The following UNC79 variants were observed in gnomAD, a reference collection of about 807,000 sequenced individuals.
UNC79 encodes the protein protein unc-79 homolog.
UNC79 carries 37 observed loss-of-function variants against 283.1 expected under a neutral mutation model. That is an observed-to-expected ratio of 0.13 (90% CI 0.10 to 0.17). The LOEUF is 0.17. UNC79 is among the 10% of genes least tolerant of loss of function. The pLI is 1.00. For missense variants in UNC79, 2,272 were observed against 3,211.1 expected (o/e 0.71, Z 7.07); for synonymous variants, 1,107 against 1,200.2 (o/e 0.92, Z 1.61).
chr14:93,537,437 T>C (rs1400894365), intron 11 of UNC79, among the ~76,000 whole-genome samples: 1 of 152,256 alleles, frequency 6.6e-6, no homozygotes, highest in Non-Finnish European at 1.5e-5. Flanking sequence ...GCCATCACTT[T>C]GGCACAGCAC....
rs73345858 is a variant in UNC79 at position 93,508,995 on chromosome 14, G to A, written c.898+11709G>A. The stretch of plus-strand genomic sequence containing the variant: ...ACTTGTTAATTTATAAAGAAAAGAG[G>A]CTTAATTGGCTCATGGTTCTGTGGG... On this transcript the variant is annotated intron_variant, in intron 7 of 48. Coordinates refer to ENST00000555664, the Ensembl canonical transcript of UNC79. Among the ~76,000 whole-genome samples, 1,294 of 152,258 alleles carry A rather than the reference G, an allele frequency of 8.5e-3. 20 individuals are homozygous for A. The highest frequency in any genetic ancestry group is 0.03 in the African/African-American group (1,230 of 41,524).
intron 1 of UNC79, among the ~76,000 whole-genome samples, chr14:93,367,018 A>G (rs1351995238): frequency 1.3e-5 from 2 of 152,122 alleles, no homozygotes; most frequent in African/African-American, 2.4e-5. Flanking sequence ...TTTCACAGAC[A>G]TCTATTTTTT....
In UNC79 at chr14:93,604,990, G is replaced by A. The variant is rs769312041; in HGVS notation, c.3754+1572G>A. ...GGTACTTCTGACATTGAAGGGCCAT[G>A]TACAAGTGTCTATCACAGGTGGACA... On this transcript the variant is annotated intron_variant, in intron 26 of 48. Transcript: ENST00000555664. 11 of 1,559,214 alleles carry A rather than the reference G, an allele frequency of 7.1e-6. No individual in the cohort carries two copies. The South Asian group carries it at 1.3e-4, about 18-fold the overall frequency.
At chr14:93,407,489 G>T (rs191009995) in intron 1 of UNC79, among the ~76,000 whole-genome samples, 2 of 152,164 alleles carry the variant, frequency 1.3e-5, no homozygotes, top group African/African-American at 4.8e-5. Flanking sequence ...GCCCCACCAG[G>T]TTCTCATGAT....
At chr14:93,557,056 A>C (rs945376812) in intron 14 of UNC79, among the ~76,000 whole-genome samples, 3 of 152,106 alleles carry the variant, frequency 2.0e-5, no homozygotes, top group Non-Finnish European at 2.9e-5. Flanking sequence ...ATTGAAAGCT[A>C]CTCCATTACA....
rs949536297 is a variant in UNC79, at chr14:93,582,069, G to T, written c.2662-134G>T. On this transcript the variant is annotated intron_variant, in intron 19 of 48. Transcript: ENST00000555664. ...GCTCCAGGGTCTTCTGGGGTGTGGT[G>T]CCTTGGCCTCTGGCCTCAGCAGCAT... The T allele has an allele frequency of 8.3e-6, 11 of 1,322,032 alleles. No individual in the cohort carries two copies. In the African/African-American group the frequency reaches 1.5e-4, roughly 18 times the overall value. The allele number at this position is 1,322,032 out of a possible 1,614,324, so 81.9% of individuals were successfully genotyped here.
In UNC79 at chr14:93,694,294, A is replaced by G. The variant is rs571767005; in HGVS notation, c.7471-41A>G. On this transcript the variant is annotated intron_variant, in intron 46 of 48. Transcript: ENST00000555664. ...GCAAACTAGTTTGCAAGGTTTCTAT[A>G]TCACTGGAAATGGAATTAACTTTCA... 10 of 1,589,486 alleles carry G rather than the reference A, an allele frequency of 6.3e-6. No individual in the cohort carries two copies. The South Asian group carries it at 1.0e-4, about 16-fold the overall frequency.
intron 1 of UNC79, among the ~76,000 whole-genome samples, chr14:93,434,148 G>A (rs1423515199): frequency 6.6e-6 from 1 of 151,880 alleles, no homozygotes; most frequent in African/African-American, 2.4e-5. Context: ...GGGAGGCGGA[G>A]ATTGCTATGA....
At chr14:93,537,936 C>T in intron 11 of UNC79, 53 bp from the exon 12 acceptor site, 6 of 1,540,070 alleles carry the variant, frequency 3.9e-6, no homozygotes, top group Non-Finnish European at 5.3e-6. Context: ...TGATTCTTAG[C>T]CAAGTTTACC....
chr14:93,455,089 G>C (rs554551715), intron 1 of UNC79, among the ~76,000 whole-genome samples: 1 of 152,286 alleles, frequency 6.6e-6, no homozygotes, highest in East Asian at 1.9e-4. Flanking sequence ...ACTGGCTGAA[G>C]ACTATGTATG....
chr14:93,420,093 G>A (rs1309181164), intron 1 of UNC79, among the ~76,000 whole-genome samples: 3 of 150,742 alleles, frequency 2.0e-5, no homozygotes, highest in East Asian at 2.0e-4. Context: ...CAAAATGGTA[G>A]GAGTAAGTCC....
intron 31 of UNC79, 128 bp downstream of exon 34, chr14:93,634,765 A>G: frequency 1.2e-6 from 1 of 856,954 alleles, no homozygotes. Context: ...AATTTTTCAA[A>G]ACCACCTAAG....
At chr14:93,592,391 G>T (rs1461120298) in intron 22 of UNC79, among the ~76,000 whole-genome samples, 2 of 151,836 alleles carry the variant, frequency 1.3e-5, no homozygotes, top group African/African-American at 4.8e-5. Context: ...AGCCAGGATG[G>T]TCTCGATCTC....
chr14:93,371,485 C>T (rs2054445012), intron 1 of UNC79, among the ~76,000 whole-genome samples: 1 of 151,926 alleles, frequency 6.6e-6, no homozygotes, highest in African/African-American at 2.4e-5. Context: ...AATGAAAACG[C>T]AGAAAAAAAT....
chr14:93,481,901 T>C (rs1046993524), intron 4 of UNC79, among the ~76,000 whole-genome samples: 1 of 152,196 alleles, frequency 6.6e-6, no homozygotes, highest in African/African-American at 2.4e-5. Context: ...TGTTTTGAAA[T>C]AGAAATCCAG....
chr14:93,577,951 G>C (rs2063565269), exon 18 of UNC79: 1 of 1,614,048 alleles, frequency 6.2e-7, no homozygotes, highest in Non-Finnish European at 8.5e-7. Context: ...CCGTTTCGTA[G>C]CCCTTTCAAG....
At position 93,348,019 on chromosome 14, in the gene UNC79, C is replaced by G. The variant is rs200469290; in HGVS notation, c.-351+14496C>G. ...CATACTCAGCAGCGCGTGTCATCTT[C>G]TCTTCCAGGAAATGGCTGTTGGACT... is the stretch of plus-strand genomic sequence containing the variant. On this transcript the variant is annotated intron_variant, in intron 1 of 49. Transcript: ENST00000256339. 9.7e-5 allele frequency: 153 copies of G among 1,584,236 alleles called. No homozygotes were observed. In the African/African-American group the frequency reaches 1.9e-3, roughly 20 times the overall value.
intron 1 of UNC79, among the ~76,000 whole-genome samples, chr14:93,377,340 C>T (rs1014726389): frequency 7.2e-5 from 11 of 152,100 alleles, no homozygotes; most frequent in Middle Eastern, 3.4e-3. Flanking sequence ...GTGATCCACC[C>T]GCCTCGGCCT....
At chr14:93,436,081 A>C (rs1011550571) in intron 1 of UNC79, among the ~76,000 whole-genome samples, 1 of 152,200 alleles carries the variant, frequency 6.6e-6, no homozygotes, top group Non-Finnish European at 1.5e-5. Flanking sequence ...TGTCCAGTGC[A>C]TAGTGTTTGC....
Sources: gnomAD v4.1 joint callset for allele counts (sites outside exome capture counted in the v4.1 genomes callset) on GRCh38, gnomAD v4.1.1 for gene constraint, MANE v1.5 for transcripts, NCBI Gene and HGNC (gene_info 2026-07-23, HGNC 2026-07-21) for gene names.